TAOK2: variants seen among roughly 807,000 people sequenced by gnomAD.
TAOK2 encodes the protein serine/threonine-protein kinase TAO2.
A neutral mutation model predicts 122.5 loss-of-function variants in TAOK2; 42 were observed. The ratio of observed to expected loss-of-function variants is 0.34; its 90% CI spans 0.27 to 0.44. The LOEUF (loss-of-function observed/expected upper bound fraction) is 0.44, where lower values mean the gene tolerates loss of function less well. Ranked by LOEUF, TAOK2 falls within the 20% of genes least tolerant of loss-of-function variation. The pLI is 1.00. For synonymous variants in TAOK2, 704 were observed against 677.6 expected (o/e 1.04, Z -0.61); for missense variants, 1,264 against 1,644.9 (o/e 0.77, Z 4.01).
Position 29,978,090 on chromosome 16 carries a change from C to G in TAOK2, c.134C>G (p.Ala45Gly). Residue 45 changes from alanine to glycine, a missense_variant and splice_region_variant, in exon 3 of 16, where the codon GCC becomes GGC. Physicochemically the swap from Ala to Gly is moderately conservative, Grantham distance 60 (BLOSUM62 0). This residue lies in a region of TAOK2 where 254 missense variants were observed against 503.8 expected (regional missense o/e 0.50). Transcript: ENST00000308893. ...GHGSFGAVYF[A>G]RDVRNSEVVA... ...ACACCTTCTGGTCTGGTCCTCTAGG[C>G]CCGGGATGTCCGGAATAGTGAGGTG... The G allele has an allele frequency of 6.2e-7, 1 of 1,614,074 alleles. No homozygotes were observed.
At chr16:29,989,795 G>A (rs752031599), downstream of TAOK2, 1 of 1,613,624 alleles carries the variant, frequency 6.2e-7, no homozygotes, top group South Asian at 1.1e-5. Context: ...GAGATGCTCA[G>A]CTCACAGGCG....
chr16:29,991,878 G>A (rs1340737315), downstream of TAOK2: 1 of 300,296 alleles, frequency 3.3e-6, no homozygotes, highest in Non-Finnish European at 6.1e-6. This position sits in a 1 kb window ranked among gnomAD's most constrained non-coding sequence, Gnocchi z 5.6. Flanking sequence ...GGGAGGGGAA[G>A]GGTGGGTCTA....
Position 29,983,227 on chromosome 16 carries a change from GGAA to G in TAOK2, c.1158_1160del (p.Glu392del), listed in dbSNP as rs981454850. 1 of 1,612,148 alleles carries G rather than the reference GGAA, an allele frequency of 6.2e-7. No homozygotes were observed. The highest frequency in any genetic ancestry group is 8.5e-7 in the Non-Finnish European group (1 of 1,179,792). The stretch of plus-strand genomic sequence containing the variant: ...ACGAGGAAGAGGAGGAGGAGGAGGA[GGAA>G]GAGGAGGAGGAGGAAGAAGGCCCTG... On this transcript the variant is annotated inframe_deletion, in exon 12 of 16. Coordinates refer to ENST00000308893, the MANE Select transcript of TAOK2 (RefSeq NM_016151.4).
rs535835029 is a variant in TAOK2 at position 29,983,603 on chromosome 16, C to T, written c.1361C>T (p.Ala454Val). The T allele has an allele frequency of 3.7e-6, 6 of 1,613,822 alleles. No individual in the cohort carries two copies. The highest frequency in any genetic ancestry group is 1.3e-5 in the African/African-American group (1 of 75,060). The change falls in exon 13 of 16, where the codon GCC becomes GTC. Residue 454 changes from alanine to valine, a missense_variant. Coordinates refer to ENST00000308893, the MANE Select transcript of TAOK2 (RefSeq NM_016151.4). ...GCTCCCACTTCCACCACCTCTTCCG[C>T]CCGCCGCCGGGCCTACTGCCGTAAC... is the stretch of plus-strand genomic sequence containing the variant. ...APAPTSTTSS[A>V]RRRAYCRNRD...
intron 1 of TAOK2, among the ~76,000 whole-genome samples, chr16:29,976,062 C>G (rs955497333): frequency 1.3e-5 from 2 of 152,126 alleles, no homozygotes; most frequent in African/African-American, 4.8e-5. Context: ...GGTTATTGTT[C>G]AAGTGTTTGT....
At position 29,978,237 on chromosome 16, in the gene TAOK2, A is replaced by T. The variant is rs760048667; in HGVS notation, c.205-15A>T. 6.8e-6 allele frequency: 11 copies of T among 1,613,948 alleles called. No individual in the cohort carries two copies. The highest frequency in any genetic ancestry group is 6.6e-5 in the South Asian group (6 of 91,078). ...GATGCAAGCTGGGTAACCTCTGCCT[A>T]CCCTGACCCCCTAGAAATGGCAAGA... is the stretch of plus-strand genomic sequence containing the variant. On this transcript the variant is annotated splice_polypyrimidine_tract_variant and intron_variant, in intron 3 of 15. Transcript: ENST00000308893.
In TAOK2 at chr16:29,978,305, C is replaced by G; in HGVS notation, c.258C>G (p.Pro86=). The G allele has an allele frequency of 6.2e-7, 1 of 1,614,144 alleles. No homozygotes were observed. Among genetic ancestry groups the G allele is most frequent in the Non-Finnish European group, 8.5e-7 (1 of 1,180,024 alleles). The change falls in exon 4 of 16, where the codon CCC becomes CCG. Residue 86 remains proline (P), a synonymous_variant. Transcript: ENST00000308893. ...GGTTCTTACAGAAGCTCCGGCATCCCAACACCATTCAGTACCGGGGCTGTT... is the reference window on the plus strand; with the variant it reads ...GGTTCTTACAGAAGCTCCGGCATCCGAACACCATTCAGTACCGGGGCTGTT... ...EVRFLQKLRH[P]NTIQYRGCYL...
downstream of TAOK2, chr16:29,989,401 A>C: frequency 1.5e-5 from 15 of 983,278 alleles, no homozygotes; most frequent in Non-Finnish European, 1.8e-5. Context: ...GTCTGTCTGT[A>C]TACAGCTCCC....
intron 8 of TAOK2, chr16:29,981,225 C>G (rs960513596): frequency 2.0e-5 from 7 of 347,472 alleles, no homozygotes; most frequent in Middle Eastern, 7.8e-4. Flanking sequence ...CCCTGTTTCC[C>G]TCTTATACCA....
At chr16:29,989,394 T>A, downstream of TAOK2, 2 of 985,250 alleles carry the variant, frequency 2.0e-6, no homozygotes, top group Non-Finnish European at 2.4e-6. Flanking sequence ...CATGTCTGTC[T>A]GTCTGTATAC....
Position 29,981,945 on chromosome 16 carries a change from G to A in TAOK2, c.831+5G>A. On this transcript the variant is annotated splice_donor_5th_base_variant and intron_variant, in intron 10 of 15. Transcript: ENST00000308893. ...ACCTCAGAGGTTCTCCTGAAGGTGAGGGCCTGCTGGCCTAGCATTCTCCTG... is the reference window on the plus strand; with the variant it reads ...ACCTCAGAGGTTCTCCTGAAGGTGAAGGCCTGCTGGCCTAGCATTCTCCTG... 6.2e-7 allele frequency: 1 copy of A among 1,611,002 alleles called. No individual in the cohort carries two copies. Among genetic ancestry groups the A allele is most frequent in the Non-Finnish European group, 8.5e-7 (1 of 1,177,908 alleles).
chr16:29,989,886 A>G (rs988192584), downstream of TAOK2: 3 of 1,444,226 alleles, frequency 2.1e-6, no homozygotes, highest in Non-Finnish European at 2.8e-6. Context: ...GGTGCAGGGC[A>G]TGCACAGAGC....
In TAOK2 at chr16:29,987,630, AAGGAT is replaced by A; in HGVS notation, c.3359_3363del (p.Lys1120ArgfsTer15). 6.2e-7 allele frequency: 1 copy of A among 1,613,120 alleles called. No homozygotes were observed. The highest frequency in any genetic ancestry group is 8.5e-7 in the Non-Finnish European group (1 of 1,179,420). On this transcript the variant is annotated frameshift_variant, in exon 16 of 16. Transcript: ENST00000308893. LOFTEE classifies it high-confidence loss of function. ...GTTTGCACTGTACCCCAAAACCAAC[AAGGAT>A]GGCTTCCGCAGCCGCCTGCCCGTCC...
intron 1 of TAOK2, among the ~76,000 whole-genome samples, chr16:29,975,541 A>G (rs534457950): frequency 9.2e-5 from 14 of 152,278 alleles, no homozygotes; most frequent in African/African-American, 3.4e-4. Flanking sequence ...CCTTTCCAGG[A>G]GGGCTCTACT....
At chr16:29,978,038 C>T in intron 2 of TAOK2, 51 bp from the exon 3 acceptor site, 1 of 1,612,900 alleles carries the variant, frequency 6.2e-7, no homozygotes, top group Non-Finnish European at 8.5e-7. Context: ...CAAGTCTTCC[C>T]ATGCCCGGCT....
At position 29,985,267 on chromosome 16, in the gene TAOK2, A is replaced by C; in HGVS notation, c.1477A>C (p.Ser493Arg). ...GGACTCTGCGCTGCGGGAGCAGCTG[A>C]GCGGCTATAAGCGGATGCGACGACA... is the stretch of plus-strand genomic sequence containing the variant. ...EQDSALREQL[S>R]GYKRMRRQHQ... The change falls in exon 14 of 16, where the codon AGC becomes CGC. Residue 493 changes from serine to arginine, a missense_variant. Physicochemically the swap from Ser to Arg is moderately radical, Grantham distance 110. This residue lies in a region of TAOK2 where 64 missense variants were observed against 115.7 expected (regional missense o/e 0.55). Coordinates refer to ENST00000308893, the MANE Select transcript of TAOK2 (RefSeq NM_016151.4). The surrounding 1 kb of genome is among the most constrained non-coding windows in gnomAD (Gnocchi z 6.9). 6.4e-7 allele frequency: 1 copy of C among 1,570,692 alleles called. No homozygotes were observed. The highest frequency in any genetic ancestry group is 1.4e-5 in the African/African-American group (1 of 73,850).
In TAOK2 at chr16:29,979,077, G is replaced by T; in HGVS notation, c.449+7G>T. The T allele has an allele frequency of 6.2e-7, 1 of 1,614,108 alleles. No homozygotes were observed. Among genetic ancestry groups the T allele is most frequent in the Non-Finnish European group, 8.5e-7 (1 of 1,180,012 alleles). On this transcript the variant is annotated splice_region_variant and intron_variant, in intron 6 of 15. Transcript: ENST00000308893. The surrounding 1 kb of genome is among the most constrained non-coding windows in gnomAD (Gnocchi z 4.1). ...CCCACAACATGATCCATAGGTACAAGCAGCACCGGCAGTGCCTGGGAGGGG... is the reference window on the plus strand; with the variant it reads ...CCCACAACATGATCCATAGGTACAATCAGCACCGGCAGTGCCTGGGAGGGG...
In TAOK2 at chr16:29,987,338, G is replaced by C. The variant is rs2069837004; in HGVS notation, c.3066G>C (p.Gln1022His). 2 of 1,538,608 alleles carry C rather than the reference G, an allele frequency of 1.3e-6. No individual in the cohort carries two copies. The highest frequency in any genetic ancestry group is 1.3e-5 in the South Asian group (1 of 79,266). The change falls in exon 16 of 16, where the codon CAG (glutamine) becomes CAC (histidine). Residue 1022 changes from glutamine (Q) to histidine (H), a missense_variant. By Grantham distance (24) the Gln-to-His change is conservative (BLOSUM62 0). This residue lies in a region of TAOK2 where 824 missense variants were observed against 908.7 expected (regional missense o/e 0.91). Transcript: ENST00000308893. Reference sequence around the variant, plus strand: ...CCAGTCTTTTCCTACTCCTGGCCCAGGGTACCGCACTGGGGGCCGTCCTGG... The same window carrying C: ...CCAGTCTTTTCCTACTCCTGGCCCACGGTACCGCACTGGGGGCCGTCCTGG... Reference protein sequence around the residue: ...LPSSLFLLLAQGTALGAVLGL... With the variant: ...LPSSLFLLLAHGTALGAVLGL...
chr16:29,986,821 G>A lies in TAOK2; in HGVS notation c.2549G>A (p.Arg850Lys), dbSNP rs1163117187. 6.2e-7 allele frequency: 1 copy of A among 1,613,838 alleles called. No individual in the cohort carries two copies. Among genetic ancestry groups the A allele is most frequent in the African/African-American group, 1.3e-5 (1 of 74,878 alleles). The stretch of plus-strand genomic sequence containing the variant: ...CTGCCTGAGGAGATAGAGGAGCTTA[G>A]GGTGCCCTCCCTTGTACCCCAGGAG... ...WGLPEEIEEL[R>K]VPSLVPQERS... The change falls in exon 16 of 16, where the codon AGG becomes AAG. Residue 850 changes from arginine (R) to lysine (K), a missense_variant. Arg to Lys is a conservative substitution (Grantham distance 26, BLOSUM62 2). Around this residue, in one of 4 missense-constraint regions of TAOK2, gnomAD observed 824 missense variants for 908.7 expected, o/e 0.91. Transcript: ENST00000308893. This position sits in a 1 kb window ranked among gnomAD's most constrained non-coding sequence, Gnocchi z 4.2.
Sources: gnomAD v4.1 joint callset for allele counts (sites outside exome capture counted in the v4.1 genomes callset) on GRCh38, gnomAD v4.1.1 for gene constraint, gnomAD v4.1.1 regional missense constraint, Gnocchi (gnomAD v3.1) non-coding constraint, MANE v1.5 for transcripts, NCBI Gene and HGNC (gene_info 2026-07-23, HGNC 2026-07-21) for gene names.